The following CNGB1 variants were observed in gnomAD, a reference collection of about 807,000 sequenced individuals.
The protein encoded by CNGB1 is cyclic nucleotide gated channel subunit beta 1.
A neutral mutation model predicts 151.7 loss-of-function variants in CNGB1; 126 were observed. The observed-to-expected ratio is 0.83, with a 90% confidence interval of 0.72 to 0.96. CNGB1 has a LOEUF of 0.96. Among genes scored for constraint, CNGB1 ranks in the 40% least tolerant of loss-of-function variants. The probability of loss-of-function intolerance (pLI) is 0.00; values close to 1 mark genes in which losing one functional copy is unlikely to be tolerated. For synonymous variants in CNGB1, 623 were observed against 635.1 expected, an observed-to-expected ratio of 0.98 and a Z score of 0.29; for missense variants, 1,698 against 1,627.0, an observed-to-expected ratio of 1.04 and a Z score of -0.75.
intron 12 of CNGB1, among the ~76,000 whole-genome samples, chr16:57,953,353 G>T (rs1422504443): frequency 6.6e-6 from 1 of 152,072 alleles, no homozygotes; most frequent in Non-Finnish European, 1.5e-5. Flanking sequence ...AAATTAGCTG[G>T]GCGTGGTGGT....
chr16:57,934,410 T>C (rs1383230845), intron 16 of CNGB1, among the ~76,000 whole-genome samples: 2 of 151,754 alleles, frequency 1.3e-5, no homozygotes, highest in African/African-American at 4.8e-5. Flanking sequence ...ACTCCAGCCT[T>C]AGCGAAAGAG....
rs77604497 is a variant in CNGB1 at position 57,930,702 on chromosome 16, A to G, written c.1535+1014T>C. ...GAAGAAAATCCTGTCACATGCTACA[A>G]TGTGGATGAATCTTAAGGACATTGT... On this transcript the variant is annotated intron_variant, in intron 17 of 32. Coordinates refer to ENST00000251102, the MANE Select transcript of CNGB1 (RefSeq NM_001297.5). Among the ~76,000 whole-genome samples the G allele has an allele frequency of 3.4e-3, 515 of 152,386 alleles. 3 individuals are homozygous for G. Among genetic ancestry groups the G allele is most frequent in the African/African-American group, 7.3e-3 (303 of 41,594 alleles).
intron 29 of CNGB1, among the ~76,000 whole-genome samples, chr16:57,900,692 T>A (rs1779145840): frequency 6.6e-6 from 1 of 152,162 alleles, no homozygotes; most frequent in African/African-American, 2.4e-5. Flanking sequence ...AGGGACACGA[T>A]GTCCCCCTTT....
intron 21 of CNGB1, among the ~76,000 whole-genome samples, chr16:57,916,810 C>A (rs1264732424): frequency 1.3e-5 from 2 of 152,118 alleles, no homozygotes; most frequent in African/African-American, 2.4e-5. Context: ...TTTGCAGGAC[C>A]CCTGGGAGAA....
At chr16:57,933,138 G>A (rs1429291920) in intron 16 of CNGB1, among the ~76,000 whole-genome samples, 2 of 151,944 alleles carry the variant, frequency 1.3e-5, no homozygotes, top group African/African-American at 4.8e-5. Flanking sequence ...ATGTTGCCCA[G>A]GCTGGTCTCG....
chr16:57,895,816 G>A (rs1036392732), intron 31 of CNGB1, among the ~76,000 whole-genome samples: 1 of 152,126 alleles, frequency 6.6e-6, no homozygotes, highest in Non-Finnish European at 1.5e-5. Context: ...GCAAGGAAGT[G>A]CTAAAATATG....
intron 27 of CNGB1, among the ~76,000 whole-genome samples, chr16:57,902,042 T>A (rs1045179379): frequency 1.3e-5 from 2 of 151,824 alleles, no homozygotes; most frequent in Non-Finnish European, 2.9e-5. Context: ...GGCACCTGTT[T>A]TTTTTGTTGT....
At chr16:57,912,793 G>T in intron 24 of CNGB1, 137 bp downstream of exon 24, 1 of 844,614 alleles carries the variant, frequency 1.2e-6, no homozygotes, top group South Asian at 1.4e-5. Flanking sequence ...GCATGTATGT[G>T]TGTATGTTGT....
intron 12 of CNGB1, chr16:57,955,157 C>G: frequency 6.7e-7 from 1 of 1,484,822 alleles, no homozygotes; most frequent in East Asian, 2.5e-5. Flanking sequence ...GGCTCTGGGG[C>G]TGGTGCAGGT....
At chr16:57,938,098 G>A (rs562611745) in intron 16 of CNGB1, among the ~76,000 whole-genome samples, 1 of 152,296 alleles carries the variant, frequency 6.6e-6, no homozygotes, top group South Asian at 2.1e-4. Flanking sequence ...CAAAGCTGCT[G>A]GGTCTAGGTC....
chr16:57,960,967 A>G (rs1389614356), intron 7 of CNGB1, 52 bp from the exon 8 acceptor site: 3 of 1,560,228 alleles, frequency 1.9e-6, no homozygotes, highest in Admixed American at 3.4e-5. Flanking sequence ...CGGCCAGCGC[A>G]CTAACAGCCC....
intron 16 of CNGB1, among the ~76,000 whole-genome samples, chr16:57,934,094 A>G (rs952848025): frequency 6.6e-6 from 1 of 151,888 alleles, no homozygotes; most frequent in Non-Finnish European, 1.5e-5. Flanking sequence ...CACTTACTCT[A>G]TAGTTTAATG....
At chr16:57,939,958 T>C (rs1225276975) in intron 15 of CNGB1, among the ~76,000 whole-genome samples, 2 of 152,150 alleles carry the variant, frequency 1.3e-5, no homozygotes, top group Non-Finnish European at 2.9e-5. Context: ...CGTGCACAGG[T>C]GGCCACTGGG....
rs563838615 is a variant in CNGB1 at position 57,907,470 on chromosome 16, T to C, written c.2493-2595A>G. ...TGCCATGCTGGCTTCCCCCTAACAA[T>C]AGCCATAGCTAGGCACAGGGGCCAC... On this transcript the variant is annotated intron_variant, in intron 25 of 32. Transcript: ENST00000251102. 2.0e-5 allele frequency among the ~76,000 whole-genome samples: 3 copies of C among 152,316 alleles called. No individual in the cohort carries two copies. In the East Asian group the frequency reaches 5.8e-4, roughly 29 times the overall value.
chr16:57,957,280 C>T, intron 12 of CNGB1, 61 bp downstream of exon 12: 1 of 1,532,872 alleles, frequency 6.5e-7, no homozygotes, highest in African/African-American at 1.4e-5. Context: ...ACAGTCAGAC[C>T]CAAGGACACC....
At chr16:57,912,204 C>T (rs1345861627) in intron 24 of CNGB1, among the ~76,000 whole-genome samples, 2 of 152,012 alleles carry the variant, frequency 1.3e-5, no homozygotes, top group Non-Finnish European at 2.9e-5. Context: ...GAGATGTGGA[C>T]AGGAGCCTTG....
intron 1 of CNGB1, among the ~76,000 whole-genome samples, chr16:57,970,385 C>A (rs1233921326): frequency 6.6e-6 from 1 of 152,200 alleles, no homozygotes; most frequent in Non-Finnish European, 1.5e-5. Flanking sequence ...CCAGCCCCTG[C>A]ACTCAGTAAA....
At chr16:57,967,706 A>C (rs1193864578) in intron 1 of CNGB1, among the ~76,000 whole-genome samples, 2 of 151,990 alleles carry the variant, frequency 1.3e-5, no homozygotes, top group Non-Finnish European at 2.9e-5. Context: ...AAAAATATAT[A>C]ATATATATAC....
intron 10 of CNGB1, among the ~76,000 whole-genome samples, chr16:57,959,470 C>T (rs190798883): frequency 5.9e-5 from 9 of 152,210 alleles, no homozygotes; most frequent in East Asian, 3.9e-4. Flanking sequence ...AAAAGTTAGC[C>T]GGGCACCTGT....
Sources: gnomAD v4.1 joint callset for allele counts (sites outside exome capture counted in the v4.1 genomes callset) on GRCh38, gnomAD v4.1.1 for gene constraint, MANE v1.5 for transcripts, NCBI Gene and HGNC (gene_info 2026-07-23, HGNC 2026-07-21) for gene names.